The following LRRFIP2 variants were observed in gnomAD, a reference collection of about 807,000 sequenced individuals.
LRRFIP2 encodes the protein leucine-rich repeat flightless-interacting protein 2.
A neutral mutation model predicts 125.9 loss-of-function variants in LRRFIP2; 109 were observed. The ratio of observed to expected loss-of-function variants is 0.87; its 90% CI spans 0.74 to 1.01. LRRFIP2 has a LOEUF of 1.01. Among genes scored for constraint, LRRFIP2 ranks in the 50% least tolerant of loss-of-function variants. The pLI is 0.00. For missense variants in LRRFIP2, 850 were observed against 862.3 expected, an observed-to-expected ratio of 0.99 and a Z score of 0.18; for synonymous variants, 291 against 293.1, an observed-to-expected ratio of 0.99 and a Z score of 0.07.
chr3:37,155,669 C>A (rs1458069998), intron 1 of LRRFIP2, among the ~76,000 whole-genome samples: 1 of 152,064 alleles, frequency 6.6e-6, no homozygotes, highest in Non-Finnish European at 1.5e-5. Context: ...GCATATTGTT[C>A]TATGTAAATT....
At chr3:37,119,276 G>T (rs2094924216) in intron 6 of LRRFIP2, among the ~76,000 whole-genome samples, 1 of 152,034 alleles carries the variant, frequency 6.6e-6, no homozygotes, top group South Asian at 2.1e-4. Context: ...AAATACTGGA[G>T]TTATATCTTA....
Position 37,060,817 on chromosome 3 carries a change from T to G in LRRFIP2, c.1750-1907A>C, listed in dbSNP as rs1183866920. On this transcript the variant is annotated intron_variant, in intron 24 of 27. Transcript: ENST00000336686. This position sits in a 1 kb window ranked among gnomAD's most constrained non-coding sequence, Gnocchi z 4.1. ...TAAATAGCTCCCAACTTGCACTCCC[T>G]CTAGACTATTCCTGTCTTAATTTTT... Among the ~76,000 whole-genome samples the G allele has an allele frequency of 6.6e-6, 1 of 152,296 alleles. No individual in the cohort carries two copies. The highest frequency in any genetic ancestry group is 2.4e-5 in the African/African-American group (1 of 41,562).
At chr3:37,125,681 C>T (rs906867393) in intron 4 of LRRFIP2, among the ~76,000 whole-genome samples, 1 of 152,170 alleles carries the variant, frequency 6.6e-6, no homozygotes, top group African/African-American at 2.4e-5. Context: ...TTTTCATTCC[C>T]TATTCATGTC....
At position 37,118,769 on chromosome 3, in the gene LRRFIP2, G is replaced by C. The variant is rs151306574; in HGVS notation, c.330+2723C>G. Among the ~76,000 whole-genome samples the C allele has an allele frequency of 5.6e-4, 85 of 152,326 alleles. 1 individual carries two copies. Among genetic ancestry groups the C allele is most frequent in the African/African-American group, 1.8e-3 (75 of 41,562 alleles). Reference sequence around the variant, plus strand: ...CACCTCACATTCAGGTACTGCTAATGTTCAAACATCAAATACTACGTTCAA... The same window carrying C: ...CACCTCACATTCAGGTACTGCTAATCTTCAAACATCAAATACTACGTTCAA... On this transcript the variant is annotated intron_variant, in intron 6 of 27. Transcript: ENST00000336686.
intron 2 of LRRFIP2, among the ~76,000 whole-genome samples, chr3:37,133,552 T>C (rs981571896): frequency 6.6e-6 from 1 of 152,058 alleles, no homozygotes; most frequent in Non-Finnish European, 1.5e-5. Context: ...CAGAAAGGAG[T>C]AATATTGTAT....
At chr3:37,135,134 T>A (rs1037364738) in intron 2 of LRRFIP2, 42 of 1,238,334 alleles carry the variant, frequency 3.4e-5, no homozygotes, top group South Asian at 1.2e-4. Flanking sequence ...ATAACCTGCA[T>A]TATAGCTGGA....
chr3:37,053,292 A>G lies in LRRFIP2; in HGVS notation c.*559T>C, dbSNP rs2085961072. On this transcript the variant is annotated 3_prime_UTR_variant, in exon 28 of 28. Transcript: ENST00000336686. ...TTTCTTATATAAATTTAAATATTTT[A>G]CAAAAAAAGGCTTTTTTCCTCCAAA... 6.5e-6 allele frequency: 1 copy of G among 152,738 alleles called. No homozygotes were observed. Among genetic ancestry groups the G allele is most frequent in the Non-Finnish European group, 1.5e-5 (1 of 68,110 alleles). 9.5% of individuals were successfully genotyped at this position (152,738 alleles called of 1,614,324 possible). A position where few individuals can be genotyped will look rare whatever the true frequency, so the allele number is the denominator to read the frequency against.
intron 18 of LRRFIP2, 103 bp from the exon 19 acceptor site, chr3:37,083,909 T>A (rs779130174): frequency 2.3e-4 from 196 of 854,554 alleles, no homozygotes; most frequent in Admixed American, 5.8e-4. Flanking sequence ...AAAGATGCAT[T>A]TTCATAAAAT....
intron 18 of LRRFIP2, among the ~76,000 whole-genome samples, chr3:37,088,509 T>TA (rs879257970): frequency 9.6e-4 from 131 of 136,896 alleles, no homozygotes; most frequent in African/African-American, 1.3e-3. Flanking sequence ...AGACTGCATT[T>TA]AAAAAAAAAA....
intron 1 of LRRFIP2, among the ~76,000 whole-genome samples, chr3:37,169,429 T>C (rs1240468931): frequency 3.9e-5 from 6 of 152,200 alleles, no homozygotes; most frequent in Non-Finnish European, 8.8e-5. Context: ...AAACATCTAA[T>C]CTAAAGCTGA....
chr3:37,156,610 C>T (rs1333024215), intron 1 of LRRFIP2, among the ~76,000 whole-genome samples: 1 of 123,490 alleles, frequency 8.1e-6, no homozygotes, highest in Non-Finnish European at 1.6e-5. Flanking sequence ...GGAGGCGGAG[C>T]TTGCAGTGAA....
chr3:37,153,706 TAGAC>T (rs1364107188), intron 1 of LRRFIP2, among the ~76,000 whole-genome samples: 1 of 152,148 alleles, frequency 6.6e-6, no homozygotes, highest in Non-Finnish European at 1.5e-5. Context: ...AGCTCCAGAA[TAGAC>T]AGCCCTGAGA....
chr3:37,055,869 C>G (rs1204942736), intron 25 of LRRFIP2, among the ~76,000 whole-genome samples: 1 of 152,148 alleles, frequency 6.6e-6, no homozygotes, highest in Admixed American at 6.5e-5. Flanking sequence ...TCCCATCTCC[C>G]AGGTTTTGCT....
At chr3:37,086,033 G>C (rs1258658085) in intron 18 of LRRFIP2, among the ~76,000 whole-genome samples, 1 of 152,038 alleles carries the variant, frequency 6.6e-6, no homozygotes, top group Non-Finnish European at 1.5e-5. Flanking sequence ...AACAATAAAG[G>C]ACACACAAAT....
intron 21 of LRRFIP2, chr3:37,066,771 T>C (rs754232272): frequency 5.0e-4 from 80 of 161,054 alleles, no homozygotes; most frequent in Non-Finnish European, 9.8e-4. Flanking sequence ...TTTTAAAAAA[T>C]AGTTCTGGAA....
rs1270755811 is a variant in LRRFIP2, at chr3:37,060,719, A to T, written c.1750-1809T>A. 6.6e-6 allele frequency among the ~76,000 whole-genome samples: 1 copy of T among 151,980 alleles called. No individual in the cohort carries two copies. Among genetic ancestry groups the T allele is most frequent in the Admixed American group, 6.6e-5 (1 of 15,264 alleles). Reference sequence around the variant, plus strand: ...ATCTTCCCTAAAAGTCCCAGGTCTTAATCTCGTCTCTTCAAATTATATACA... The same window carrying T: ...ATCTTCCCTAAAAGTCCCAGGTCTTTATCTCGTCTCTTCAAATTATATACA... On this transcript the variant is annotated intron_variant, in intron 24 of 27. Transcript: ENST00000336686. The surrounding 1 kb of genome is among the most constrained non-coding windows in gnomAD (Gnocchi z 4.1).
chr3:37,127,094 A>G (rs2095304070), intron 4 of LRRFIP2, among the ~76,000 whole-genome samples: 2 of 151,724 alleles, frequency 1.3e-5, no homozygotes, highest in South Asian at 4.2e-4. Flanking sequence ...AATAGGAGAC[A>G]GTGGGGAACT....
intron 2 of LRRFIP2, among the ~76,000 whole-genome samples, chr3:37,133,132 T>C (rs1042331709): frequency 6.6e-6 from 1 of 152,124 alleles, no homozygotes; most frequent in Non-Finnish European, 1.5e-5. Context: ...GGCTGAGGCA[T>C]GAGAATCACT....
At position 37,082,326 on chromosome 3, in the gene LRRFIP2, G is replaced by A. The variant is rs151307911; in HGVS notation, c.1278+1310C>T. On this transcript the variant is annotated intron_variant, in intron 19 of 27. Transcript: ENST00000336686. The stretch of plus-strand genomic sequence containing the variant: ...CAGTCCAATATGAAAACAACTAGAA[G>A]CCTCTTTTTCACCATCTAAATACCA... Among the ~76,000 whole-genome samples, 3 of 152,258 alleles carry A rather than the reference G, an allele frequency of 2.0e-5. No individual in the cohort carries two copies. In the East Asian group the frequency reaches 5.8e-4, roughly 29 times the overall value.
Sources: gnomAD v4.1 joint callset for allele counts (sites outside exome capture counted in the v4.1 genomes callset) on GRCh38, gnomAD v4.1.1 for gene constraint, Gnocchi (gnomAD v3.1) non-coding constraint, MANE v1.5 for transcripts, NCBI Gene and HGNC (gene_info 2026-07-23, HGNC 2026-07-21) for gene names.